The following CEP57 variants were observed in gnomAD, a reference collection of about 807,000 sequenced individuals.
CEP57 encodes the protein centrosomal protein 57, also known as centrosomal protein of 57 kDa.
In CEP57, 40 loss-of-function variants were observed where a neutral mutation model predicts 68.0. That is an observed-to-expected ratio of 0.59 (90% confidence interval 0.46 to 0.77). The LOEUF (loss-of-function observed/expected upper bound fraction) is 0.77. Among genes scored for constraint, CEP57 ranks in the 30% least tolerant of loss-of-function variants. The pLI is 0.00. For missense variants in CEP57, 606 were observed against 580.7 expected (o/e 1.04, Z -0.45); for synonymous variants, 219 against 198.7 (o/e 1.10, Z -0.86).
intron 1 of CEP57, among the ~76,000 whole-genome samples, chr11:95,794,714 A>T (rs1018022376): frequency 6.6e-6 from 1 of 151,982 alleles, no homozygotes; most frequent in African/African-American, 2.4e-5. Flanking sequence ...AAAATTTGTT[A>T]GTCTTTTTAT....
chr11:95,814,075 C>T (rs375700693), intron 4 of CEP57, among the ~76,000 whole-genome samples: 1 of 81,464 alleles, frequency 1.2e-5, no homozygotes, highest in Non-Finnish European at 3.8e-5. Context: ...TTGGATCTCA[C>T]TCTGTCTCAC....
chr11:95,818,550 T>TTAGCCTCC (rs1268805216), intron 5 of CEP57, among the ~76,000 whole-genome samples: 1 of 152,188 alleles, frequency 6.6e-6, no homozygotes, highest in Non-Finnish European at 1.5e-5. Flanking sequence ...AGTTCCAGAT[T>TTAGCCTCC]TAGCCTCCCT....
At chr11:95,800,099 C>T (rs555656605) in intron 2 of CEP57, among the ~76,000 whole-genome samples, 11 of 152,274 alleles carry the variant, frequency 7.2e-5, no homozygotes, top group South Asian at 2.1e-4. Context: ...TTCTGTAGGT[C>T]GGAAATCTGT....
intron 1 of CEP57, chr11:95,795,598 A>G: frequency 2.0e-6 from 1 of 506,180 alleles, no homozygotes; most frequent in Middle Eastern, 2.7e-4. Flanking sequence ...TAAAAGGAAT[A>G]TTTCAAGTTT....
intron 7 of CEP57, chr11:95,822,187 A>G (rs1862544128): frequency 1.7e-6 from 1 of 594,686 alleles, no homozygotes. Flanking sequence ...GGAACTACAG[A>G]ACACCATACA....
chr11:95,806,781 A>C (rs1032171693), intron 2 of CEP57, among the ~76,000 whole-genome samples: 2 of 152,218 alleles, frequency 1.3e-5, no homozygotes, highest in Non-Finnish European at 2.9e-5. Flanking sequence ...TCTGTAGACT[A>C]ACCTCTCCGG....
chr11:95,813,464 T>G lies in CEP57; in HGVS notation c.383-4T>G. On this transcript the variant is annotated splice_region_variant and splice_polypyrimidine_tract_variant and intron_variant, in intron 3 of 10. Transcript: ENST00000325542. ...TTTCTGCTTTTCTTATGTATTCTTT[T>G]TAGAACTGACATCTCAGTTGTTAGC... 1 of 1,611,062 alleles carries G rather than the reference T, an allele frequency of 6.2e-7. No individual in the cohort carries two copies. Among genetic ancestry groups the G allele is most frequent in the Non-Finnish European group, 8.5e-7 (1 of 1,179,484 alleles).
intron 8 of CEP57, chr11:95,825,895 T>G (rs1280845525): frequency 1.3e-5 from 2 of 152,202 alleles, no homozygotes; most frequent in Admixed American, 6.5e-5. Context: ...GTAATCCCAG[T>G]GGCTGAGCCA....
Position 95,827,808 on chromosome 11 carries a change from T to C in CEP57, c.908T>C (p.Val303Ala), listed in dbSNP as rs1421598228. 6.2e-7 allele frequency: 1 copy of C among 1,614,040 alleles called. No individual in the cohort carries two copies. Among genetic ancestry groups the C allele is most frequent in the East Asian group, 2.2e-5 (1 of 44,870 alleles). The part of the protein sequence containing the change: ...AGKSTSPSHA[V>A]VANVQLVLHL... ...TAGTCCACAAGCCCTAGCCATGCCG[T>C]GGTAGCCAATGTTCAGCTTGTCTTG... The change falls in exon 9 of 11, where the codon GTG becomes GCG. Residue 303 changes from valine to alanine, a missense_variant. Physicochemically the swap from Val to Ala is moderately conservative, Grantham distance 64. Transcript: ENST00000325542.
Position 95,821,937 on chromosome 11 carries a change from G to C in CEP57, c.766G>C (p.Ala256Pro). The C allele has an allele frequency of 6.2e-7, 1 of 1,612,680 alleles. No homozygotes were observed. Among genetic ancestry groups the C allele is most frequent in the South Asian group, 1.1e-5 (1 of 91,020 alleles). ...TAAGGCAACTCCGTGTGTTCCCAATGCAAGAAGAATTAAAAAAAAGAAGTC... is the reference window on the plus strand; with the variant it reads ...TAAGGCAACTCCGTGTGTTCCCAATCCAAGAAGAATTAAAAAAAAGAAGTC... ...EDKATPCVPN[A>P]RRIKKKKSKP... The change falls in exon 7 of 11, where the codon GCA becomes CCA. Residue 256 changes from alanine to proline, a missense_variant. Physicochemically the swap from Ala to Pro is conservative, Grantham distance 27 (BLOSUM62 -1). Transcript: ENST00000325542.
chr11:95,817,946 G>T lies in CEP57; in HGVS notation c.621+43G>T, dbSNP rs773734461. The T allele has an allele frequency of 2.5e-5, 29 of 1,160,110 alleles. 1 individual carries two copies. The highest frequency in any genetic ancestry group is 1.0e-4 in the South Asian group (8 of 79,284). 71.9% of individuals were successfully genotyped at this position (1,160,110 alleles called of 1,614,324 possible). On this transcript the variant is annotated intron_variant, in intron 5 of 10. Coordinates refer to ENST00000325542, the MANE Select transcript of CEP57 (RefSeq NM_014679.5). ...TTTATTGTTAACATATATCAGGGTGGTTTTTTTTTAATGTTAATTATTTTA... is the reference window on the plus strand; with the variant it reads ...TTTATTGTTAACATATATCAGGGTGTTTTTTTTTTAATGTTAATTATTTTA...
At chr11:95,797,536 A>G (rs1861400477) in intron 1 of CEP57, among the ~76,000 whole-genome samples, 1 of 152,142 alleles carries the variant, frequency 6.6e-6, no homozygotes, top group African/African-American at 2.4e-5. Flanking sequence ...GATGCCTTCA[A>G]ACCTGAAGCT....
chr11:95,802,982 C>T (rs1175815772), intron 2 of CEP57, among the ~76,000 whole-genome samples: 1 of 152,164 alleles, frequency 6.6e-6, no homozygotes, highest in Non-Finnish European at 1.5e-5. Flanking sequence ...CTCCTTGAGG[C>T]CAAAGACAGT....
chr11:95,824,923 C>T (rs556291826), intron 8 of CEP57, among the ~76,000 whole-genome samples: 4 of 152,266 alleles, frequency 2.6e-5, no homozygotes, highest in African/African-American at 4.8e-5. Flanking sequence ...TTAGAAAAAA[C>T]ATTGATCCAT....
At chr11:95,810,251 A>G (rs1203897756) in intron 2 of CEP57, among the ~76,000 whole-genome samples, 1 of 152,234 alleles carries the variant, frequency 6.6e-6, no homozygotes. Flanking sequence ...ATCATACTGA[A>G]TGAGCAAGAA....
chr11:95,830,433 A>AC lies in CEP57; in HGVS notation c.1273-592dup, dbSNP rs1229357298. On this transcript the variant is annotated intron_variant, in intron 10 of 10. Coordinates refer to ENST00000325542, the MANE Select transcript of CEP57 (RefSeq NM_014679.5). ...TACTAATTAGACTTATTCTATTGGAACACCAACATGCCAGCATCAGTTTGG... is the reference window on the plus strand; with the variant it reads ...TACTAATTAGACTTATTCTATTGGAACCACCAACATGCCAGCATCAGTTTGG... Among the ~76,000 whole-genome samples, 10 of 152,368 alleles carry AC rather than the reference A, an allele frequency of 6.6e-5. 1 individual carries two copies. The East Asian group carries it at 1.9e-3, about 29-fold the overall frequency.
chr11:95,813,667 C>A, intron 4 of CEP57, 78 bp downstream of exon 4: 1 of 1,556,352 alleles, frequency 6.4e-7, no homozygotes, highest in Non-Finnish European at 8.8e-7. Flanking sequence ...TTTTTTCTTT[C>A]GGTGAGGATT....
chr11:95,803,612 A>C (rs995224207), intron 2 of CEP57, among the ~76,000 whole-genome samples: 1 of 128,576 alleles, frequency 7.8e-6, no homozygotes, highest in Non-Finnish European at 1.6e-5. Context: ...TATGTTAATG[A>C]CAGAAATGTC....
Position 95,831,265 on chromosome 11 carries a change from C to G in CEP57, c.*9C>G. The G allele has an allele frequency of 3.2e-6, 5 of 1,583,436 alleles. No individual in the cohort carries two copies. The highest frequency in any genetic ancestry group is 4.3e-6 in the Non-Finnish European group (5 of 1,153,056). On this transcript the variant is annotated 3_prime_UTR_variant, in exon 11 of 11. Transcript: ENST00000325542. ...TGTGTTGGGATTACTGACTCATAAC[C>G]AGGTCAGAAATTTTATTCAGATAAT...
Sources: allele counts gnomAD v4.1 joint callset (sites outside exome capture counted in the v4.1 genomes callset), GRCh38; gene constraint gnomAD v4.1.1; transcripts MANE v1.5; gene names NCBI Gene and HGNC (gene_info 2026-07-23, HGNC 2026-07-21).